Variants in SERPINI1 observed in about 807,000 individuals in gnomAD.
The protein encoded by SERPINI1 is neuroserpin.
A neutral mutation model predicts 41.1 loss-of-function variants in SERPINI1; 19 were observed. The ratio of observed to expected loss-of-function variants is 0.46; its 90% CI spans 0.32 to 0.68. The LOEUF (loss-of-function observed/expected upper bound fraction) is 0.68. Among genes scored for constraint, SERPINI1 ranks in the 30% least tolerant of loss-of-function variants. The pLI, the probability that SERPINI1 is intolerant of heterozygous loss-of-function variation, is 0.03. For missense variants in SERPINI1, 460 were observed against 479.2 expected, an observed-to-expected ratio of 0.96 and a Z score of 0.37; for synonymous variants, 138 against 156.6, an observed-to-expected ratio of 0.88 and a Z score of 0.89.
chr3:167,786,507 CAAA>C (rs71176662), intron 1 of SERPINI1, among the ~76,000 whole-genome samples: 2 of 75,200 alleles, frequency 2.7e-5, no homozygotes, highest in Non-Finnish European at 2.5e-5. Flanking sequence ...GACTCCGTCT[CAAA>C]AAAAAAAAAA....
At chr3:167,740,072 G>A (rs1331639295) in intron 1 of SERPINI1, among the ~76,000 whole-genome samples, 5 of 140,582 alleles carry the variant, frequency 3.6e-5, no homozygotes, top group Admixed American at 7.5e-5. Flanking sequence ...TGACTCTGTC[G>A]CCCAGGCTGG....
Position 167,776,792 on chromosome 3 carries a change from G to C in SERPINI1, c.-18-12319G>C, listed in dbSNP as rs892553409. ...CAATAGCCAAAAGTGGCTGCTGGCT[G>C]TCTCACTGGAGATGCACACATATGT... is the stretch of plus-strand genomic sequence containing the variant. On this transcript the variant is annotated intron_variant, in intron 1 of 8. Coordinates refer to ENST00000446050, the MANE Select transcript of SERPINI1 (RefSeq NM_001122752.2). 2.0e-5 allele frequency among the ~76,000 whole-genome samples: 3 copies of C among 152,242 alleles called. No homozygotes were observed. In the East Asian group the frequency reaches 5.8e-4, roughly 29 times the overall value.
At chr3:167,736,401 G>A (rs186944864) in intron 1 of SERPINI1, among the ~76,000 whole-genome samples, 4 of 152,156 alleles carry the variant, frequency 2.6e-5, no homozygotes, top group African/African-American at 7.2e-5. Context: ...TATAACTTTT[G>A]CCAGCAATAA....
intron 8 of SERPINI1, 51 bp from the exon 9 acceptor site, chr3:167,825,196 A>G: frequency 3.6e-6 from 4 of 1,106,288 alleles, no homozygotes; most frequent in Non-Finnish European, 5.6e-6. Context: ...GAAGATAAAT[A>G]TTTTATTATT....
At chr3:167,741,681 C>A (rs530468403) in intron 1 of SERPINI1, among the ~76,000 whole-genome samples, 1 of 152,128 alleles carries the variant, frequency 6.6e-6, no homozygotes, top group African/African-American at 2.4e-5. Flanking sequence ...GTGTACTTCA[C>A]GAAGCAATTT....
chr3:167,736,148 T>G (rs992233831), intron 1 of SERPINI1: 4 of 152,176 alleles, frequency 2.6e-5, no homozygotes, highest in African/African-American at 9.7e-5. Flanking sequence ...GCGTAGCCTA[T>G]AAAAAGCAAA....
At chr3:167,743,832 G>T (rs997810584) in intron 1 of SERPINI1, among the ~76,000 whole-genome samples, 2 of 152,118 alleles carry the variant, frequency 1.3e-5, no homozygotes, top group Non-Finnish European at 2.9e-5. Flanking sequence ...GAAGAAATTG[G>T]TCTATGTGGT....
chr3:167,755,815 T>TG (rs61632700), intron 1 of SERPINI1, among the ~76,000 whole-genome samples: 4 of 147,368 alleles, frequency 2.7e-5, no homozygotes, highest in Admixed American at 1.4e-4. Flanking sequence ...TTTTTTTTTT[T>TG]GGCTGTGGTC....
At chr3:167,783,347 G>A (rs980080684) in intron 1 of SERPINI1, among the ~76,000 whole-genome samples, 1 of 152,160 alleles carries the variant, frequency 6.6e-6, no homozygotes, top group Non-Finnish European at 1.5e-5. Context: ...AAAGAAAAAA[G>A]AGTAGGTTTG....
chr3:167,824,404 G>A, intron 7 of SERPINI1, 69 bp from the exon 8 acceptor site: 2 of 1,201,360 alleles, frequency 1.7e-6, no homozygotes, highest in Non-Finnish European at 2.5e-6. Context: ...GGCATAGATG[G>A]TTTTGAGGAA....
intron 1 of SERPINI1, among the ~76,000 whole-genome samples, chr3:167,752,489 A>C (rs1180293304): frequency 6.6e-6 from 1 of 152,016 alleles, no homozygotes; most frequent in Non-Finnish European, 1.5e-5. Context: ...GTCTTGTCCA[A>C]TTTATTTTTT....
intron 5 of SERPINI1, among the ~76,000 whole-genome samples, chr3:167,798,642 C>A (rs1278653175): frequency 6.6e-6 from 1 of 152,244 alleles, no homozygotes; most frequent in African/African-American, 2.4e-5. Flanking sequence ...ATGCAACTTG[C>A]ATTTCTGTAT....
chr3:167,745,433 A>G (rs1300481247), intron 1 of SERPINI1, among the ~76,000 whole-genome samples: 1 of 152,072 alleles, frequency 6.6e-6, no homozygotes, highest in African/African-American at 2.4e-5. Context: ...TCTACAGAAA[A>G]CATAAATAAT....
intron 1 of SERPINI1, among the ~76,000 whole-genome samples, chr3:167,787,083 A>T (rs1485217202): frequency 1.3e-5 from 2 of 152,182 alleles, no homozygotes; most frequent in Non-Finnish European, 1.5e-5. Context: ...TTAAAACTTA[A>T]GACACAAATA....
chr3:167,735,763 G>GGAGCACAGTCCGCC lies in SERPINI1; in HGVS notation c.-71_-58dup, dbSNP rs1295809706. 1 of 152,372 alleles carries GGAGCACAGTCCGCC rather than the reference G, an allele frequency of 6.6e-6. No individual in the cohort carries two copies. Among genetic ancestry groups the GGAGCACAGTCCGCC allele is most frequent in the Admixed American group, 6.5e-5 (1 of 15,288 alleles). The allele number at this position is 152,372 out of a possible 1,614,324, so 9.4% of individuals were successfully genotyped here. A position where few individuals can be genotyped will look rare whatever the true frequency, so the allele number is the denominator to read the frequency against. ...ACGAAAGCAGGAACGAGAGCGGAGC[G>GGAGCACAGTCCGCC]GAGCACAGTCCGCCGAGCACAAGCT... On this transcript the variant is annotated 5_prime_UTR_variant, in exon 1 of 9. Coordinates refer to ENST00000446050, the MANE Select transcript of SERPINI1 (RefSeq NM_001122752.2).
At chr3:167,813,513 T>C (rs1428546038) in intron 6 of SERPINI1, among the ~76,000 whole-genome samples, 1 of 152,190 alleles carries the variant, frequency 6.6e-6, no homozygotes, top group African/African-American at 2.4e-5. Flanking sequence ...CTGCTTGGAA[T>C]GTCCATCTTG....
At chr3:167,745,483 T>G (rs1372423067) in intron 1 of SERPINI1, among the ~76,000 whole-genome samples, 2 of 152,068 alleles carry the variant, frequency 1.3e-5, no homozygotes, top group Admixed American at 6.5e-5. Context: ...AGTGAAAGTC[T>G]GAATATTTCC....
At chr3:167,737,637 T>C (rs1725520921) in intron 1 of SERPINI1, among the ~76,000 whole-genome samples, 1 of 152,168 alleles carries the variant, frequency 6.6e-6, no homozygotes, top group East Asian at 1.9e-4. Flanking sequence ...GTCGCTGGGT[T>C]ATTTCCCCTA....
At chr3:167,761,882 A>G (rs1463813686) in intron 1 of SERPINI1, among the ~76,000 whole-genome samples, 2 of 152,176 alleles carry the variant, frequency 1.3e-5, no homozygotes, top group African/African-American at 4.8e-5. Context: ...TTACTTGTAC[A>G]ATTTATTTTC....
Sources: gnomAD v4.1 joint callset for allele counts (sites outside exome capture counted in the v4.1 genomes callset) on GRCh38, gnomAD v4.1.1 for gene constraint, MANE v1.5 for transcripts, NCBI Gene and HGNC (gene_info 2026-07-23, HGNC 2026-07-21) for gene names.